OCA2: variants seen among roughly 807,000 people sequenced by gnomAD.
OCA2 encodes OCA2 melanosomal transmembrane protein, also known as P protein.
OCA2 carries 77 observed loss-of-function variants against 100.2 expected under a neutral mutation model. That is an observed-to-expected ratio of 0.77 (90% CI 0.64 to 0.93). The LOEUF (loss-of-function observed/expected upper bound fraction) is 0.93. OCA2 is among the 40% of genes least tolerant of loss of function. OCA2 has a pLI of 0.00. For missense variants in OCA2, 1,062 were observed against 1,089.1 expected (o/e 0.98, Z 0.35); for synonymous variants, 432 against 439.2 (o/e 0.98, Z 0.21).
intron 2 of OCA2, among the ~76,000 whole-genome samples, chr15:28,055,223 T>C (rs2043652571): frequency 6.6e-6 from 1 of 152,240 alleles, no homozygotes; most frequent in African/African-American, 2.4e-5. Context: ...ATTCCTGTGT[T>C]GGTGTGGCAT....
At chr15:27,972,833 A>C (rs28829928) in intron 14 of OCA2, among the ~76,000 whole-genome samples, 68,931 of 127,644 alleles carry the variant, frequency 0.54, 22,313 homozygotes, top group Non-Finnish European at 0.72. Flanking sequence ...ATTTTATTTT[A>C]TTTTATTTTA....
intron 23 of OCA2, among the ~76,000 whole-genome samples, chr15:27,834,288 G>A (rs932650516): frequency 6.6e-6 from 1 of 152,180 alleles, no homozygotes. Flanking sequence ...GTTGGTGAAC[G>A]AATTCATGTG....
chr15:27,934,859 C>T (rs1294634102), intron 18 of OCA2, among the ~76,000 whole-genome samples: 2 of 152,206 alleles, frequency 1.3e-5, no homozygotes, highest in Non-Finnish European at 2.9e-5. Context: ...GACCTTGTCC[C>T]TGCAAAACCT....
chr15:27,812,389 G>A (rs942836044), intron 23 of OCA2, among the ~76,000 whole-genome samples: 4 of 152,174 alleles, frequency 2.6e-5, no homozygotes, highest in African/African-American at 4.8e-5. Context: ...AGGTGCAGAC[G>A]CAGGGAAGGT....
Position 27,955,183 on chromosome 15 carries a change from G to T in OCA2, c.1817C>A (p.Thr606Asn). ...QISQEDKNWE[T>N]NIQELQKKHR... ...CTTTTTTTGGAGTTCTTGGATATTG[G>T]TCTCCCAATTTTTGTCCTCCTGTGA... Residue 606 changes from threonine (T) to asparagine (N), a missense_variant, in exon 17 of 24, where the codon ACC (threonine) becomes AAC (asparagine). Thr to Asn is a moderately conservative substitution (Grantham distance 65). Coordinates refer to ENST00000354638, the MANE Select transcript of OCA2 (RefSeq NM_000275.3). 6.2e-7 allele frequency: 1 copy of T among 1,612,492 alleles called. No homozygotes were observed. Among genetic ancestry groups the T allele is most frequent in the Non-Finnish European group, 8.5e-7 (1 of 1,178,470 alleles).
intron 22 of OCA2, among the ~76,000 whole-genome samples, chr15:27,846,029 C>T (rs1342174869): frequency 6.6e-6 from 1 of 152,062 alleles, no homozygotes; most frequent in Non-Finnish European, 1.5e-5. Context: ...AAGTCCTGAC[C>T]GTGAACCATT....
chr15:27,963,055 G>A (rs1567163636), intron 15 of OCA2, among the ~76,000 whole-genome samples: 1 of 152,162 alleles, frequency 6.6e-6, no homozygotes, highest in Admixed American at 6.5e-5. Context: ...TGTTTTTATA[G>A]CAAGGTGTTA....
intron 2 of OCA2, among the ~76,000 whole-genome samples, chr15:28,080,042 T>G (rs1313584524): frequency 6.6e-6 from 1 of 152,202 alleles, no homozygotes; most frequent in Non-Finnish European, 1.5e-5. Flanking sequence ...TTTTCCCAAT[T>G]CTTGTCTCAC....
the OCA2 span, among the ~76,000 whole-genome samples, chr15:27,730,442 T>C: frequency 6.6e-6 from 1 of 152,110 alleles, no homozygotes; most frequent in Non-Finnish European, 1.5e-5. Flanking sequence ...GCAAACCCCG[T>C]TGTTTAAGGG....
At chr15:28,053,648 C>T (rs957435709) in intron 2 of OCA2, among the ~76,000 whole-genome samples, 1 of 152,204 alleles carries the variant, frequency 6.6e-6, no homozygotes, top group Non-Finnish European at 1.5e-5. Flanking sequence ...CATGCTGCCC[C>T]AGCCCATGAG....
intron 19 of OCA2, among the ~76,000 whole-genome samples, chr15:27,885,202 CTGATT>C (rs528549866): frequency 2.4e-4 from 37 of 152,144 alleles, no homozygotes; most frequent in Non-Finnish European, 4.6e-4. Context: ...GCAGGGAAGC[CTGATT>C]TAGGATTTGG....
chr15:28,034,878 T>C (rs2043004321), intron 2 of OCA2, among the ~76,000 whole-genome samples: 1 of 152,070 alleles, frequency 6.6e-6, no homozygotes, highest in African/African-American at 2.4e-5. Flanking sequence ...ATAAAACAAG[T>C]TTTCTAAATC....
At position 28,022,546 on chromosome 15, in the gene OCA2, C is replaced by T. The variant is rs770939956; in HGVS notation, c.601G>A (p.Gly201Arg). The change falls in exon 6 of 24, where the codon GGA becomes AGA. Residue 201 changes from glycine to arginine, a missense_variant. By Grantham distance (125) the Gly-to-Arg change is moderately radical. Transcript: ENST00000354638. ...SILFSLYPDQGKLWQLLALSP... is the reference protein window; with the variant it reads ...SILFSLYPDQRKLWQLLALSP... ...AAGGCCAACAGCTGCCAGAGCTTTC[C>T]TTGATCCGGATATAGGCTGAACAAA... 5 of 1,613,936 alleles carry T rather than the reference C, an allele frequency of 3.1e-6. No homozygotes were observed. The Admixed American group carries it at 5.0e-5, about 16-fold the overall frequency.
intron 15 of OCA2, among the ~76,000 whole-genome samples, chr15:27,959,645 G>A (rs2140733351): frequency 6.6e-6 from 1 of 152,252 alleles, no homozygotes; most frequent in African/African-American, 2.4e-5. Context: ...CTGGGTGCGG[G>A]CTGGAAGTCT....
the OCA2 span, among the ~76,000 whole-genome samples, chr15:27,733,125 T>C: frequency 6.6e-6 from 1 of 152,238 alleles, no homozygotes; most frequent in African/African-American, 2.4e-5. Context: ...TCCAATTTGG[T>C]TGAAATATCA....
rs570276046 is a variant in OCA2, at chr15:27,869,754, G to A, written c.2244+1400C>T. ...CTGTGGCCTCATTGGCTGGGACAGC[G>A]CGGAGTCTCCTGTGGACTGTGTTTC... On this transcript the variant is annotated intron_variant, in intron 21 of 23. Transcript: ENST00000354638. 7.2e-5 allele frequency among the ~76,000 whole-genome samples: 11 copies of A among 152,294 alleles called. No individual in the cohort carries two copies. The East Asian group carries it at 7.8e-4, about 11-fold the overall frequency.
chr15:27,948,773 A>T (rs2039930660), intron 18 of OCA2, among the ~76,000 whole-genome samples: 1 of 152,108 alleles, frequency 6.6e-6, no homozygotes, highest in Non-Finnish European at 1.5e-5. Context: ...GCCAAACATG[A>T]ACCATTGATG....
intron 1 of OCA2, among the ~76,000 whole-genome samples, chr15:28,098,148 T>C (rs538325787): frequency 1.2e-4 from 19 of 152,334 alleles, no homozygotes; most frequent in Non-Finnish European, 2.5e-4. Flanking sequence ...AATGAAACTT[T>C]AGGGACTTAT....
chr15:27,940,481 G>C (rs1257499855), intron 18 of OCA2, among the ~76,000 whole-genome samples: 1 of 152,190 alleles, frequency 6.6e-6, no homozygotes, highest in Non-Finnish European at 1.5e-5. Flanking sequence ...GATCCTGAAA[G>C]CTGCTGTTTC....
Sources: gnomAD v4.1 joint callset for allele counts (sites outside exome capture counted in the v4.1 genomes callset) on GRCh38, gnomAD v4.1.1 for gene constraint, MANE v1.5 for transcripts, NCBI Gene and HGNC (gene_info 2026-07-23, HGNC 2026-07-21) for gene names.